CTNNA2: variants seen among roughly 807,000 people sequenced by gnomAD.
The protein encoded by CTNNA2 is catenin alpha-2.
CTNNA2 carries 42 observed loss-of-function variants against 101.0 expected under a neutral mutation model. The observed-to-expected ratio is 0.42, with a 90% CI of 0.32 to 0.54. The LOEUF (loss-of-function observed/expected upper bound fraction) is 0.54. Ranked by LOEUF, CTNNA2 falls within the 20% of genes least tolerant of loss-of-function variation. The pLI, the probability that CTNNA2 is intolerant of heterozygous loss-of-function variation, is 0.14. For synonymous variants in CTNNA2, 450 were observed against 456.4 expected (o/e 0.99, Z 0.18); for missense variants, 871 against 1,223.1 (o/e 0.71, Z 4.29).
At chr2:80,046,446 G>C (rs552813175) in intron 7 of CTNNA2, among the ~76,000 whole-genome samples, 1 of 152,016 alleles carries the variant, frequency 6.6e-6, no homozygotes. Flanking sequence ...AGAGGACAAA[G>C]GTAAGTATCC....
At chr2:79,316,475 T>C (rs191528778) in intron 3 of CTNNA2, among the ~76,000 whole-genome samples, 11 of 152,172 alleles carry the variant, frequency 7.2e-5, no homozygotes, top group African/African-American at 2.4e-4. Context: ...AAATGGAAGC[T>C]AAGATTGTGT....
intron 7 of CTNNA2, among the ~76,000 whole-genome samples, chr2:80,125,371 C>G (rs192328227): frequency 6.6e-6 from 1 of 152,070 alleles, no homozygotes; most frequent in East Asian, 1.9e-4. Context: ...TGGGGACCTA[C>G]GAAGATTACA....
intron 4 of CTNNA2, among the ~76,000 whole-genome samples, chr2:79,472,918 C>T (rs955690121): frequency 1.3e-5 from 2 of 152,176 alleles, no homozygotes; most frequent in South Asian, 4.1e-4. Context: ...ATTTTTATTG[C>T]TTTCAAGTTC....
intron 3 of CTNNA2, among the ~76,000 whole-genome samples, chr2:79,834,701 T>C (rs545709163): frequency 9.2e-5 from 14 of 152,234 alleles, no homozygotes; most frequent in Non-Finnish European, 1.6e-4. Flanking sequence ...CCTATTGTTG[T>C]ATAAATTTTT....
intron 4 of CTNNA2, among the ~76,000 whole-genome samples, chr2:79,457,740 T>C (rs1670841118): frequency 6.6e-6 from 1 of 152,162 alleles, no homozygotes; most frequent in Non-Finnish European, 1.5e-5. Flanking sequence ...TTAAGAATAT[T>C]ATATTGTTCA....
At chr2:79,516,369 T>G (rs1182155444) in intron 1 of CTNNA2, among the ~76,000 whole-genome samples, 1 of 152,038 alleles carries the variant, frequency 6.6e-6, no homozygotes, top group Non-Finnish European at 1.5e-5. Flanking sequence ...AGAAGACGGG[T>G]GTCTGTGTAG....
intron 6 of CTNNA2, among the ~76,000 whole-genome samples, chr2:79,902,702 C>T (rs1360426848): frequency 6.6e-6 from 1 of 151,706 alleles, no homozygotes; most frequent in African/African-American, 2.4e-5. Flanking sequence ...GCTCAGCTCA[C>T]TGCAACTTCT....
intron 2 of CTNNA2, among the ~76,000 whole-genome samples, chr2:79,740,568 A>G (rs1375111794): frequency 6.6e-6 from 1 of 152,234 alleles, no homozygotes; most frequent in East Asian, 1.9e-4. Context: ...GTTGGTTAAC[A>G]TTTCACTAAC....
chr2:79,892,306 T>A (rs2104215653), intron 6 of CTNNA2, among the ~76,000 whole-genome samples: 1 of 152,244 alleles, frequency 6.6e-6, no homozygotes, highest in Admixed American at 6.5e-5. Flanking sequence ...TAACAAAACC[T>A]CTGCAAATAT....
intron 11 of CTNNA2, among the ~76,000 whole-genome samples, chr2:80,550,795 T>C (rs1692493597): frequency 7.3e-6 from 1 of 137,176 alleles, no homozygotes; most frequent in Non-Finnish European, 1.6e-5. Flanking sequence ...TCTTGAACCC[T>C]TCAAAGTCGA....
chr2:79,557,254 G>A (rs1269476052), intron 1 of CTNNA2, among the ~76,000 whole-genome samples: 1 of 151,946 alleles, frequency 6.6e-6, no homozygotes, highest in Non-Finnish European at 1.5e-5. Context: ...GGAGAGTTCA[G>A]GGCCTAAGGT....
At chr2:80,167,920 C>T (rs1704803584) in intron 7 of CTNNA2, among the ~76,000 whole-genome samples, 1 of 152,172 alleles carries the variant, frequency 6.6e-6, no homozygotes, top group African/African-American at 2.4e-5. Context: ...AGAGATAAAG[C>T]AGGGGCTCTG....
chr2:79,998,985 G>A (rs1041714163), intron 7 of CTNNA2, among the ~76,000 whole-genome samples: 17 of 152,168 alleles, frequency 1.1e-4, no homozygotes, highest in African/African-American at 3.9e-4. Context: ...GGACATTAGG[G>A]ATTGAAGACA....
chr2:80,066,102 A>G (rs1697968238), intron 7 of CTNNA2, among the ~76,000 whole-genome samples: 1 of 152,156 alleles, frequency 6.6e-6, no homozygotes, highest in Non-Finnish European at 1.5e-5. Flanking sequence ...TGGCATCCAG[A>G]CTTTTGTTTA....
intron 6 of CTNNA2, among the ~76,000 whole-genome samples, chr2:79,899,095 G>C (rs1309810006): frequency 6.6e-6 from 1 of 152,258 alleles, no homozygotes; most frequent in East Asian, 1.9e-4. Context: ...AAAACACACA[G>C]AGCTCAAAGA....
rs188119072 is a variant in CTNNA2, at chr2:79,337,973, T to C, written c.-318+25177T>C. On this transcript the variant is annotated intron_variant, in intron 3 of 21. Transcript: ENST00000466387. The stretch of plus-strand genomic sequence containing the variant: ...AAACATTGGTAGTCAGGGCCGGGCA[T>C]GGTGGCTCATGCTTGTAAACCTAGC... Among the ~76,000 whole-genome samples the C allele has an allele frequency of 2.2e-4, 34 of 152,066 alleles. No homozygotes were observed. In the East Asian group the frequency reaches 6.2e-3, roughly 28 times the overall value.
chr2:80,327,339 G>C (rs1247672374), intron 7 of CTNNA2, among the ~76,000 whole-genome samples: 1 of 152,202 alleles, frequency 6.6e-6, no homozygotes, highest in Admixed American at 6.5e-5. Flanking sequence ...GACGGACACA[G>C]GATGGGAATG....
At chr2:79,345,893 T>G (rs1417100401) in intron 3 of CTNNA2, among the ~76,000 whole-genome samples, 4 of 138,358 alleles carry the variant, frequency 2.9e-5, no homozygotes, top group Non-Finnish European at 4.6e-5. Context: ...CAGATGGGGG[T>G]CTCACCATTT....
chr2:80,106,444 C>T (rs113158003), intron 7 of CTNNA2, among the ~76,000 whole-genome samples: 240 of 152,302 alleles, frequency 1.6e-3, no homozygotes, highest in Non-Finnish European at 2.9e-3. Flanking sequence ...CTATGTGTAT[C>T]TGTGCATAAA....
Sources: gnomAD v4.1 joint callset for allele counts (sites outside exome capture counted in the v4.1 genomes callset) on GRCh38, gnomAD v4.1.1 for gene constraint, MANE v1.5 for transcripts, NCBI Gene and HGNC (gene_info 2026-07-23, HGNC 2026-07-21) for gene names.